SPAG16: variants seen among roughly 807,000 people sequenced by gnomAD.
The protein encoded by SPAG16 is sperm associated antigen 16, also known as sperm-associated antigen 16 protein.
In SPAG16, 86 loss-of-function variants were observed where a neutral mutation model predicts 80.4. The ratio of observed to expected loss-of-function variants is 1.07; its 90% CI spans 0.90 to 1.28. The LOEUF (loss-of-function observed/expected upper bound fraction) is 1.28. SPAG16 is among the 50% of genes most tolerant of loss of function. The pLI, the probability that SPAG16 is intolerant of heterozygous loss-of-function variation, is 0.00. For synonymous variants in SPAG16, 294 were observed against 265.9 expected (o/e 1.11, Z -1.03); for missense variants, 870 against 765.3 (o/e 1.14, Z -1.61).
chr2:213,805,935 C>T (rs1051950839), intron 10 of SPAG16, among the ~76,000 whole-genome samples: 4 of 152,080 alleles, frequency 2.6e-5, no homozygotes, highest in East Asian at 1.9e-4. Flanking sequence ...TATAGTAAAA[C>T]GTCATTCCTT....
chr2:214,390,492 T>A (rs1701014274), intron 15 of SPAG16, among the ~76,000 whole-genome samples: 1 of 152,196 alleles, frequency 6.6e-6, no homozygotes. Flanking sequence ...GCTCCCACTT[T>A]ATCTCAGGCT....
chr2:213,940,671 ATAAAT>A (rs146759341), intron 12 of SPAG16, among the ~76,000 whole-genome samples: 6,503 of 152,230 alleles, frequency 0.043, 168 homozygotes, highest in South Asian at 0.1. Context: ...CTTTACATAC[ATAAAT>A]TAATATAGCA....
chr2:214,013,898 G>A, intron 12 of SPAG16, 53 bp from the exon 13 acceptor site: 1 of 1,576,032 alleles, frequency 6.3e-7, no homozygotes. Context: ...TATTAGCATT[G>A]TATAGACAGC....
At chr2:214,023,844 C>T (rs13002799) in intron 13 of SPAG16, among the ~76,000 whole-genome samples, 12,581 of 151,272 alleles carry the variant, frequency 0.083, 640 homozygotes, top group East Asian at 0.22. Context: ...TTTTGTATAT[C>T]GGTATCAGCC....
At chr2:214,060,361 T>A (rs2050192130) in intron 13 of SPAG16, among the ~76,000 whole-genome samples, 1 of 152,156 alleles carries the variant, frequency 6.6e-6, no homozygotes, top group African/African-American at 2.4e-5. Flanking sequence ...TTATTTTGAA[T>A]AATGTGACTA....
chr2:213,340,620 TC>T (rs1385168913), intron 6 of SPAG16, among the ~76,000 whole-genome samples: 5 of 152,162 alleles, frequency 3.3e-5, no homozygotes, highest in Non-Finnish European at 7.4e-5. Flanking sequence ...CGCACAGTGC[TC>T]TTTGCAGATA....
intron 12 of SPAG16, among the ~76,000 whole-genome samples, chr2:213,995,475 C>T (rs776510023): frequency 5.3e-5 from 8 of 152,136 alleles, no homozygotes; most frequent in African/African-American, 7.2e-5. Context: ...CATGTATATC[C>T]GTGACACATG....
chr2:213,681,889 G>T (rs769299752), intron 10 of SPAG16, among the ~76,000 whole-genome samples: 1 of 152,072 alleles, frequency 6.6e-6, no homozygotes, highest in Non-Finnish European at 1.5e-5. Context: ...ACAAACTAAA[G>T]ATGTGAAGTT....
At chr2:213,944,643 T>C (rs2079360830) in intron 12 of SPAG16, among the ~76,000 whole-genome samples, 1 of 152,160 alleles carries the variant, frequency 6.6e-6, no homozygotes, top group Non-Finnish European at 1.5e-5. Flanking sequence ...GGAATTAATG[T>C]ATTTTTATTG....
chr2:214,113,412 A>G (rs943830861), intron 14 of SPAG16, among the ~76,000 whole-genome samples: 1 of 152,108 alleles, frequency 6.6e-6, no homozygotes, highest in African/African-American at 2.4e-5. Context: ...TCCTGAAGAA[A>G]GTTTTCCAAC....
chr2:214,184,074 CAA>C (rs1340629666), intron 15 of SPAG16, among the ~76,000 whole-genome samples: 3 of 152,044 alleles, frequency 2.0e-5, no homozygotes, highest in Non-Finnish European at 4.4e-5. Context: ...GGACCATTAA[CAA>C]AGAGTTGGCA....
chr2:213,681,672 G>A (rs553703822), intron 10 of SPAG16, among the ~76,000 whole-genome samples: 25 of 152,112 alleles, frequency 1.6e-4, no homozygotes, highest in African/African-American at 5.6e-4. Context: ...GAAATTGAGG[G>A]CATGGGTTTC....
chr2:213,524,346 G>C (rs1237210768), intron 10 of SPAG16, among the ~76,000 whole-genome samples: 1 of 152,224 alleles, frequency 6.6e-6, no homozygotes, highest in Non-Finnish European at 1.5e-5. Context: ...TGCAGGGGTG[G>C]AGCCCTCATG....
intron 10 of SPAG16, among the ~76,000 whole-genome samples, chr2:213,744,217 C>T (rs1377534744): frequency 6.6e-6 from 1 of 152,080 alleles, no homozygotes; most frequent in African/African-American, 2.4e-5. Context: ...TTCTTTTTTT[C>T]AGCTTCCTTG....
chr2:213,441,610 A>G (rs925844733), intron 9 of SPAG16, among the ~76,000 whole-genome samples: 3 of 152,156 alleles, frequency 2.0e-5, no homozygotes, highest in African/African-American at 7.2e-5. Context: ...GCACACATAG[A>G]TTTGTGCACT....
intron 10 of SPAG16, among the ~76,000 whole-genome samples, chr2:213,514,170 G>T (rs1386430371): frequency 1.3e-5 from 2 of 152,092 alleles, no homozygotes; most frequent in Middle Eastern, 6.3e-3. Context: ...GTCCTTGGAA[G>T]CTCCGTATAA....
chr2:214,262,839 T>A (rs189640885), intron 15 of SPAG16, among the ~76,000 whole-genome samples: 21 of 152,252 alleles, frequency 1.4e-4, no homozygotes, highest in African/African-American at 4.8e-4. Flanking sequence ...ACTGTAATCA[T>A]TCTTTACCTG....
chr2:213,584,484 C>T (rs2060398411), intron 10 of SPAG16, among the ~76,000 whole-genome samples: 1 of 151,268 alleles, frequency 6.6e-6, no homozygotes, highest in African/African-American at 2.4e-5. Flanking sequence ...CAAAGAATCT[C>T]AGTGAAAAAA....
At chr2:213,689,180 G>A (rs1337427054) in intron 10 of SPAG16, among the ~76,000 whole-genome samples, 2 of 152,242 alleles carry the variant, frequency 1.3e-5, no homozygotes, top group East Asian at 3.9e-4. Context: ...GGCTGGTCTT[G>A]AATGCCTGAC....
Sources: allele counts gnomAD v4.1 joint callset (sites outside exome capture counted in the v4.1 genomes callset), GRCh38; gene constraint gnomAD v4.1.1; transcripts MANE v1.5; gene names NCBI Gene and HGNC (gene_info 2026-07-23, HGNC 2026-07-21).